The following EIF3A variants were observed in gnomAD, a reference collection of about 807,000 sequenced individuals.
EIF3A encodes EIF3, p180 subunit.
Under a neutral mutation model 186.6 loss-of-function variants are expected in EIF3A, and 21 were observed. The ratio of observed to expected loss-of-function variants is 0.11; its 90% CI spans 0.08 to 0.16. The LOEUF (loss-of-function observed/expected upper bound fraction) is 0.16. Ranked by LOEUF, EIF3A falls within the 10% of genes least tolerant of loss-of-function variation. The pLI, the probability that EIF3A is intolerant of heterozygous loss-of-function variation, is 1.00. For synonymous variants in EIF3A, 563 were observed against 584.3 expected, an observed-to-expected ratio of 0.96 and a Z score of 0.52; for missense variants, 1,306 against 1,796.3, an observed-to-expected ratio of 0.73 and a Z score of 4.93.
At chr10:119,044,976 ACT>A (rs1848264829) in intron 17 of EIF3A, among the ~76,000 whole-genome samples, 4 of 141,152 alleles carry the variant, frequency 2.8e-5, no homozygotes, top group Non-Finnish European at 6.0e-5. Flanking sequence ...GTGGAATCTC[ACT>A]CTGTTACCCA....
chr10:119,041,755 C>T lies in EIF3A; in HGVS notation c.3526+239G>A, dbSNP rs1328353129. 2.0e-5 allele frequency among the ~76,000 whole-genome samples: 3 copies of T among 152,182 alleles called. No homozygotes were observed. In the South Asian group the frequency reaches 6.2e-4, roughly 32 times the overall value. ...GAAGAGCCTTCAAAGAAGCAGTCAT[C>T]GAAGCAGAAGGAAAACAAAGAGCAC... On this transcript the variant is annotated intron_variant, in intron 19 of 21. Coordinates refer to ENST00000369144, the MANE Select transcript of EIF3A (RefSeq NM_003750.4).
chr10:119,065,639 C>T lies in EIF3A; in HGVS notation c.951-69G>A. On this transcript the variant is annotated intron_variant, in intron 6 of 21. Transcript: ENST00000369144. The stretch of plus-strand genomic sequence containing the variant: ...ACTTGGTAAGCAGAAAAGCACTTCT[C>T]TTTAATCTTACGGTAAGGCGTGCTA... 4.2e-6 allele frequency: 5 copies of T among 1,177,280 alleles called. No individual in the cohort carries two copies. In the South Asian group the frequency reaches 6.7e-5, roughly 16 times the overall value. 72.9% of individuals were successfully genotyped at this position (1,177,280 alleles called of 1,614,324 possible).
intron 7 of EIF3A, among the ~76,000 whole-genome samples, chr10:119,063,425 T>C (rs778219837): frequency 3.9e-5 from 6 of 152,228 alleles, no homozygotes; most frequent in Admixed American, 3.3e-4. Context: ...ATTTAGGCCT[T>C]TTATCTAGCT....
chr10:119,070,636 T>C (rs1293408099), intron 5 of EIF3A, among the ~76,000 whole-genome samples: 1 of 152,232 alleles, frequency 6.6e-6, no homozygotes, highest in East Asian at 1.9e-4. Flanking sequence ...TGGCAATGTA[T>C]TGTTTTATAT....
At chr10:119,052,368 T>TTTTTTG (rs140398720) in intron 14 of EIF3A, among the ~76,000 whole-genome samples, 1 of 122,972 alleles carries the variant, frequency 8.1e-6, no homozygotes, top group East Asian at 2.4e-4. Context: ...TTTTTTGGTT[T>TTTTTTG]TGTGTGTGTG....
intron 19 of EIF3A, among the ~76,000 whole-genome samples, chr10:119,041,028 A>T (rs1848201671): frequency 1.4e-5 from 2 of 138,624 alleles, no homozygotes; most frequent in South Asian, 4.6e-4. Context: ...AAAAAAAAAA[A>T]TTAGCCATGC....
chr10:119,073,147 A>T, intron 3 of EIF3A, 94 bp from the exon 4 acceptor site: 1 of 1,237,016 alleles, frequency 8.1e-7, no homozygotes, highest in South Asian at 1.5e-5. Flanking sequence ...AAAACAGTGC[A>T]AATTCTTCCC....
chr10:119,061,930 T>G (rs1843894861), intron 7 of EIF3A, among the ~76,000 whole-genome samples: 1 of 152,170 alleles, frequency 6.6e-6, no homozygotes, highest in African/African-American at 2.4e-5. Context: ...ACAAAATAAC[T>G]GCTGGGATAG....
At position 119,072,925 on chromosome 10, in the gene EIF3A, C is replaced by T. The variant is rs1192479957; in HGVS notation, c.506G>A (p.Arg169Lys). ...AATATCATGGTACAGGCGCTCTACTCTAGAATTGTTTCTAAGAAGGTCCAA... is the reference window on the plus strand; with the variant it reads ...AATATCATGGTACAGGCGCTCTACTTTAGAATTGTTTCTAAGAAGGTCCAA... The part of the protein sequence containing the change: ...QCLDLLRNNS[R>K]VERLYHDIAQ... Residue 169 changes from arginine to lysine, a missense_variant, in exon 4 of 22, where the codon AGA becomes AAA. Arg to Lys is a conservative substitution (Grantham distance 26). This residue lies in a region of EIF3A where 130 missense variants were observed against 259.3 expected (regional missense o/e 0.50). Coordinates refer to ENST00000369144, the MANE Select transcript of EIF3A (RefSeq NM_003750.4). 1.9e-6 allele frequency: 3 copies of T among 1,614,074 alleles called. No individual in the cohort carries two copies. Among genetic ancestry groups the T allele is most frequent in the Non-Finnish European group, 2.5e-6 (3 of 1,180,010 alleles).
chr10:119,060,016 T>C, intron 9 of EIF3A: 2 of 516,698 alleles, frequency 3.9e-6, no homozygotes, highest in Non-Finnish European at 7.4e-6. Context: ...AGAATTTTTG[T>C]CTGAAGGAGA....
chr10:119,075,844 G>C (rs1335050523), intron 1 of EIF3A, among the ~76,000 whole-genome samples: 1 of 141,872 alleles, frequency 7.0e-6, no homozygotes, highest in Non-Finnish European at 1.5e-5. Context: ...CTCCTGAGTC[G>C]CTGGGACTAC....
At chr10:119,052,332 T>C (rs1372216587) in intron 14 of EIF3A, among the ~76,000 whole-genome samples, 1 of 139,158 alleles carries the variant, frequency 7.2e-6, no homozygotes, top group Non-Finnish European at 1.6e-5. Context: ...ATTGCAGCAA[T>C]TCAGTCACAT....
chr10:119,067,561 T>G (rs992649746), intron 6 of EIF3A, among the ~76,000 whole-genome samples: 1 of 151,628 alleles, frequency 6.6e-6, no homozygotes, highest in Non-Finnish European at 1.5e-5. Context: ...ACTACTACAC[T>G]CCATCTGGAG....
At chr10:119,077,870 T>C (rs974452034) in intron 1 of EIF3A, among the ~76,000 whole-genome samples, 1 of 152,150 alleles carries the variant, frequency 6.6e-6, no homozygotes, top group African/African-American at 2.4e-5. Flanking sequence ...AATTATTTAA[T>C]AGTGGCCGGG....
rs1333787836 is a variant in EIF3A, at chr10:119,080,695, T to A, written c.-19A>T. 5.0e-6 allele frequency: 8 copies of A among 1,584,382 alleles called. No homozygotes were observed. The Admixed American group carries it at 1.1e-4, about 21-fold the overall frequency. Reference sequence around the variant, plus strand: ...CCGGCATCTTGGCGGCAGGCTCAGCTCACCCGGCGTCAGCGAACTCTCTAG... The same window carrying A: ...CCGGCATCTTGGCGGCAGGCTCAGCACACCCGGCGTCAGCGAACTCTCTAG... On this transcript the variant is annotated 5_prime_UTR_variant, in exon 1 of 22. Coordinates refer to ENST00000369144, the MANE Select transcript of EIF3A (RefSeq NM_003750.4).
At chr10:119,044,248 C>A in intron 17 of EIF3A, 106 bp from the exon 18 acceptor site, 1 of 755,572 alleles carries the variant, frequency 1.3e-6, no homozygotes, top group South Asian at 1.6e-5. Flanking sequence ...AATATGAAGC[C>A]CTTAAATAAG....
At chr10:119,080,420 G>A (rs747997180) in intron 1 of EIF3A, 57 of 985,332 alleles carry the variant, frequency 5.8e-5, no homozygotes, top group African/African-American at 8.7e-5. Context: ...TGGGGCGACG[G>A]TTCCGGGCTA....
chr10:119,045,556 T>G (rs1848271586), intron 17 of EIF3A, among the ~76,000 whole-genome samples: 1 of 152,208 alleles, frequency 6.6e-6, no homozygotes, highest in African/African-American at 2.4e-5. Context: ...CAACAAAGAA[T>G]GCAAGGTTTT....
At chr10:119,058,516 A>C (rs1026285742) in intron 11 of EIF3A, among the ~76,000 whole-genome samples, 7 of 152,228 alleles carry the variant, frequency 4.6e-5, no homozygotes, top group South Asian at 2.1e-4. Context: ...GCAGCTAAAG[A>C]AGCTCTCCTA....
Sources: allele counts gnomAD v4.1 joint callset (sites outside exome capture counted in the v4.1 genomes callset), GRCh38; gene constraint gnomAD v4.1.1; regional missense constraint gnomAD v4.1.1; transcripts MANE v1.5; gene names NCBI Gene and HGNC (gene_info 2026-07-23, HGNC 2026-07-21).